The following PTPRD variants were observed in gnomAD, a reference collection of about 807,000 sequenced individuals.
PTPRD encodes receptor-type tyrosine-protein phosphatase delta.
A neutral mutation model predicts 214.5 loss-of-function variants in PTPRD; 34 were observed. The observed-to-expected ratio is 0.16, with a 90% CI of 0.12 to 0.21. PTPRD has a LOEUF of 0.21. PTPRD is among the 10% of genes least tolerant of loss of function. PTPRD has a pLI of 1.00. For missense variants in PTPRD, 2,545 were observed against 2,398.7 expected, an observed-to-expected ratio of 1.06 and a Z score of -1.27; for synonymous variants, 1,128 against 845.7, an observed-to-expected ratio of 1.33 and a Z score of -5.79.
intron 5 of PTPRD, among the ~76,000 whole-genome samples, chr9:9,812,069 C>G (rs528732794): frequency 6.6e-6 from 1 of 152,288 alleles, no homozygotes; most frequent in East Asian, 1.9e-4. Context: ...AAGATTACAA[C>G]TCACTGAAGG....
In PTPRD at chr9:8,749,426, G is replaced by A. The variant is rs569842364; in HGVS notation, c.-103-15480C>T. Reference sequence around the variant, plus strand: ...TGGTCTCAAACTCCTGGCCTCAAACGATCCACCCACCTTGGCCTCCCAAAG... The same window carrying A: ...TGGTCTCAAACTCCTGGCCTCAAACAATCCACCCACCTTGGCCTCCCAAAG... On this transcript the variant is annotated intron_variant, in intron 11 of 45. Coordinates refer to ENST00000381196, the MANE Select transcript of PTPRD (RefSeq NM_002839.4). 7.9e-5 allele frequency among the ~76,000 whole-genome samples: 12 copies of A among 152,242 alleles called. No individual in the cohort carries two copies. The East Asian group carries it at 1.2e-3, about 15-fold the overall frequency.
intron 2 of PTPRD, among the ~76,000 whole-genome samples, chr9:10,457,141 C>G (rs2098924212): frequency 6.6e-6 from 1 of 151,824 alleles, no homozygotes; most frequent in South Asian, 2.1e-4. Flanking sequence ...GTGCACATAT[C>G]TTAAATGTAG....
At chr9:8,947,090 T>A (rs1034315151) in intron 11 of PTPRD, among the ~76,000 whole-genome samples, 1 of 151,402 alleles carries the variant, frequency 6.6e-6, no homozygotes, top group Non-Finnish European at 1.5e-5. Flanking sequence ...TCTTACTCCT[T>A]TAAATGTTCT....
At chr9:8,819,775 C>A (rs140719408) in intron 11 of PTPRD, among the ~76,000 whole-genome samples, 3 of 152,196 alleles carry the variant, frequency 2.0e-5, no homozygotes, top group African/African-American at 4.8e-5. Flanking sequence ...CTTTGTGACA[C>A]AGCATCGTGA....
At position 8,331,716 on chromosome 9, in the gene PTPRD, T is replaced by C; in HGVS notation, c.5400A>G (p.Val1800=). Reference sequence around the variant, plus strand: ...GCCAGTCAGTGAACTGGAACTGCCTTACTGTTCGGGACTGGCCGTCCTTTA... The same window carrying C: ...GCCAGTCAGTGAACTGGAACTGCCTCACTGTTCGGGACTGGCCGTCCTTTA... The part of the protein sequence containing the change: ...TDARDGQSRT[V]RQFQFTDWPE... Residue 1800 remains valine (V), a synonymous_variant, in exon 44 of 46, where the codon GTA becomes GTG. Coordinates refer to ENST00000381196, the MANE Select transcript of PTPRD (RefSeq NM_002839.4). 6 of 1,611,940 alleles carry C rather than the reference T, an allele frequency of 3.7e-6. No homozygotes were observed. The highest frequency in any genetic ancestry group is 5.1e-6 in the Non-Finnish European group (6 of 1,179,036).
rs1343330074 is a variant in PTPRD at position 9,950,491 on chromosome 9, G to A, written c.-471-11881C>T. On this transcript the variant is annotated intron_variant, in intron 4 of 45. Coordinates refer to ENST00000381196, the MANE Select transcript of PTPRD (RefSeq NM_002839.4). ...TGTAATCCCAGCACTTTGGGAGGCC[G>A]AGGCGGGCGGATCACGAGGTCAGGA... is the stretch of plus-strand genomic sequence containing the variant. Among the ~76,000 whole-genome samples, 4 of 34,744 alleles carry A rather than the reference G, an allele frequency of 1.2e-4. 1 individual carries two copies. Among genetic ancestry groups the A allele is most frequent in the Non-Finnish European group, 1.6e-4 (4 of 24,680 alleles). The allele number at this position is 34,744 out of a possible 152,430, so 22.8% of individuals were successfully genotyped here. A position where few individuals can be genotyped will look rare whatever the true frequency, so the allele number is the denominator to read the frequency against.
chr9:8,836,692 G>A (rs1373737454), intron 11 of PTPRD, among the ~76,000 whole-genome samples: 4 of 141,198 alleles, frequency 2.8e-5, no homozygotes, highest in African/African-American at 1.1e-4. Flanking sequence ...TGCCTCCCAG[G>A]TTCAAGCGAT....
intron 2 of PTPRD, among the ~76,000 whole-genome samples, chr9:10,341,301 G>C (rs553968854): frequency 2.6e-5 from 4 of 151,434 alleles, no homozygotes; most frequent in East Asian, 1.9e-4. Context: ...GGCCACTATA[G>C]TCACAGAATA....
chr9:9,062,926 T>C (rs1435055557), intron 10 of PTPRD, among the ~76,000 whole-genome samples: 2 of 152,200 alleles, frequency 1.3e-5, no homozygotes, highest in Non-Finnish European at 2.9e-5. Context: ...TGTGATCACT[T>C]GCCAGAAAGT....
At chr9:9,356,661 C>A (rs1342409147) in intron 9 of PTPRD, among the ~76,000 whole-genome samples, 1 of 151,426 alleles carries the variant, frequency 6.6e-6, no homozygotes, top group East Asian at 1.9e-4. Context: ...TTATCAGAAG[C>A]TGCATCTTGA....
chr9:9,989,688 C>G (rs2095846785), intron 4 of PTPRD, among the ~76,000 whole-genome samples: 1 of 152,184 alleles, frequency 6.6e-6, no homozygotes, highest in African/African-American at 2.4e-5. Context: ...CGCATTGACT[C>G]TCCACTGAAC....
chr9:9,672,615 G>C (rs907450853), intron 7 of PTPRD, among the ~76,000 whole-genome samples: 1 of 152,002 alleles, frequency 6.6e-6, no homozygotes, highest in East Asian at 1.9e-4. Context: ...ACTTCACATA[G>C]AGAATGAGAT....
intron 9 of PTPRD, among the ~76,000 whole-genome samples, chr9:9,383,127 G>T (rs1186704168): frequency 6.6e-6 from 1 of 151,900 alleles, no homozygotes; most frequent in African/African-American, 2.4e-5. Context: ...AACTTTTTAT[G>T]AAATCCTACC....
chr9:8,756,685 G>A (rs1185070558), intron 11 of PTPRD, among the ~76,000 whole-genome samples: 1 of 152,080 alleles, frequency 6.6e-6, no homozygotes, highest in Non-Finnish European at 1.5e-5. Context: ...ATACAGGCAA[G>A]TGAAAGGAGG....
chr9:10,499,395 T>A (rs1012253956), intron 2 of PTPRD, among the ~76,000 whole-genome samples: 2 of 151,910 alleles, frequency 1.3e-5, no homozygotes, highest in Non-Finnish European at 2.9e-5. Context: ...GACCATATAT[T>A]CAACCTGCCA....
intron 12 of PTPRD, among the ~76,000 whole-genome samples, chr9:8,715,047 C>T (rs1372289803): frequency 1.3e-5 from 2 of 150,582 alleles, no homozygotes; most frequent in East Asian, 3.9e-4. Flanking sequence ...ATATACAAGA[C>T]ATTCAAGAAG....
At chr9:9,246,205 C>T (rs898463681) in intron 9 of PTPRD, among the ~76,000 whole-genome samples, 1 of 151,998 alleles carries the variant, frequency 6.6e-6, no homozygotes, top group African/African-American at 2.4e-5. Context: ...TGTTGTCCAC[C>T]TGAATTCTGG....
chr9:8,459,317 G>A (rs1245130226), intron 33 of PTPRD, among the ~76,000 whole-genome samples: 1 of 152,034 alleles, frequency 6.6e-6, no homozygotes, highest in Non-Finnish European at 1.5e-5. Context: ...AAGCTATCTT[G>A]TAGTAGAAGG....
rs559256223 is a variant in PTPRD, at chr9:10,014,117, G to A, written c.-472+19601C>T. Reference sequence around the variant, plus strand: ...AAAAATGGTATCGTAAAAGACTAGAGAGTTGTTTGCTTAAAGTTACATAAC... The same window carrying A: ...AAAAATGGTATCGTAAAAGACTAGAAAGTTGTTTGCTTAAAGTTACATAAC... On this transcript the variant is annotated intron_variant, in intron 4 of 45. Coordinates refer to ENST00000381196, the MANE Select transcript of PTPRD (RefSeq NM_002839.4). Among the ~76,000 whole-genome samples the A allele has an allele frequency of 8.7e-4, 132 of 152,054 alleles. 3 individuals carry two copies. In the South Asian group the frequency reaches 0.016, roughly 19 times the overall value.
Sources: gnomAD v4.1 joint callset for allele counts (sites outside exome capture counted in the v4.1 genomes callset) on GRCh38, gnomAD v4.1.1 for gene constraint, MANE v1.5 for transcripts, NCBI Gene and HGNC (gene_info 2026-07-23, HGNC 2026-07-21) for gene names.